The following PRDM16 variants were observed in gnomAD, a reference collection of about 807,000 sequenced individuals.
PRDM16 encodes the protein PR/SET domain 16.
Under a neutral mutation model 110.6 loss-of-function variants are expected in PRDM16, and 23 were observed. The ratio of observed to expected loss-of-function variants is 0.21; its 90% CI spans 0.15 to 0.29. The LOEUF (loss-of-function observed/expected upper bound fraction) is 0.29, where lower values mean the gene tolerates loss of function less well. Ranked by LOEUF, PRDM16 falls within the 10% of genes least tolerant of loss-of-function variation. The pLI, the probability that PRDM16 is intolerant of heterozygous loss-of-function variation, is 1.00. For synonymous variants in PRDM16, 799 were observed against 781.8 expected, an observed-to-expected ratio of 1.02 and a Z score of -0.37; for missense variants, 1,615 against 1,794.3, an observed-to-expected ratio of 0.90 and a Z score of 1.81.
At chr1:3,364,197 G>A (rs1019161226) in intron 3 of PRDM16, among the ~76,000 whole-genome samples, 2 of 152,138 alleles carry the variant, frequency 1.3e-5, no homozygotes, top group Admixed American at 6.5e-5. Flanking sequence ...CCACCCCACC[G>A]TGGCCACGAC....
chr1:3,281,923 G>A (rs1373195946), intron 3 of PRDM16, among the ~76,000 whole-genome samples: 2 of 152,224 alleles, frequency 1.3e-5, no homozygotes, highest in Non-Finnish European at 2.9e-5. Flanking sequence ...GAGCTGGCAT[G>A]AGGCCAAGGT....
intron 1 of PRDM16, among the ~76,000 whole-genome samples, chr1:3,122,778 T>G (rs1452261039): frequency 6.6e-6 from 1 of 151,926 alleles, no homozygotes. Flanking sequence ...GGGTGGGAGA[T>G]GCTGTTGTAT....
At chr1:3,070,130 C>T (rs1192105034) in intron 1 of PRDM16, among the ~76,000 whole-genome samples, 2 of 152,034 alleles carry the variant, frequency 1.3e-5, no homozygotes, top group South Asian at 2.1e-4. Context: ...CCCGCGTGGA[C>T]CCCTCTGTAC....
At chr1:3,283,432 G>A (rs1640760516) in intron 3 of PRDM16, among the ~76,000 whole-genome samples, 1 of 152,126 alleles carries the variant, frequency 6.6e-6, no homozygotes, top group Admixed American at 6.5e-5. Flanking sequence ...GGGCTCCATG[G>A]CATAGGACAG....
At chr1:3,240,099 AGGAGAGGAGG>A (rs1639634342) in intron 2 of PRDM16, among the ~76,000 whole-genome samples, 1 of 129,382 alleles carries the variant, frequency 7.7e-6, no homozygotes, top group Admixed American at 7.4e-5. Context: ...AGGAGAGGAG[AGGAGAGGAGG>A]AGAAGAGAAG....
At chr1:3,363,899 A>G (rs1642762128) in intron 3 of PRDM16, among the ~76,000 whole-genome samples, 1 of 152,074 alleles carries the variant, frequency 6.6e-6, no homozygotes, top group South Asian at 2.1e-4. Flanking sequence ...AGCCCGGCCA[A>G]AGGCAGCACC....
At position 3,143,486 on chromosome 1, in the gene PRDM16, T is replaced by C. The variant is rs1643590955; in HGVS notation, c.38-42639T>C. Among the ~76,000 whole-genome samples, 1 of 152,160 alleles carries C rather than the reference T, an allele frequency of 6.6e-6. No individual in the cohort carries two copies. The highest frequency in any genetic ancestry group is 6.5e-5 in the Admixed American group (1 of 15,278). On this transcript the variant is annotated intron_variant, in intron 1 of 16. Transcript: ENST00000270722. The surrounding 1 kb of genome is among the most constrained non-coding windows in gnomAD (Gnocchi z 4.5). ...AACTTTATTATTAGTATTATTATTA[T>C]CATTTTTGTGAGATGGAGTCTTGCT...
intron 3 of PRDM16, among the ~76,000 whole-genome samples, chr1:3,375,080 A>G (rs1203908712): frequency 6.6e-6 from 1 of 152,188 alleles, no homozygotes; most frequent in Non-Finnish European, 1.5e-5. Flanking sequence ...TGGAAAGCAG[A>G]AAAGAGGCTT....
chr1:3,230,659 G>A (rs1456205775), intron 2 of PRDM16, among the ~76,000 whole-genome samples: 1 of 152,248 alleles, frequency 6.6e-6, no homozygotes, highest in African/African-American at 2.4e-5. Context: ...CAGCTGAGAA[G>A]GCAGCTCCGA....
chr1:3,342,354 C>T (rs967639237), intron 3 of PRDM16, among the ~76,000 whole-genome samples: 1 of 152,204 alleles, frequency 6.6e-6, no homozygotes, highest in Non-Finnish European at 1.5e-5. Context: ...GTGGGAGCAA[C>T]CAAGCCACCC....
intron 2 of PRDM16, 45 bp downstream of exon 2, chr1:3,186,519 T>C: frequency 1.6e-6 from 2 of 1,253,122 alleles, no homozygotes; most frequent in Non-Finnish European, 2.2e-6. Context: ...CCATTTATCT[T>C]GTGTTCAATC....
rs1638941427 is a variant in PRDM16, at chr1:3,213,278, A to T, written c.387+26804A>T. ...ACCTTCCCAAATCTTTATGAATTAA[A>T]CATGGCATGTCCATCAAGTCATAGA... On this transcript the variant is annotated intron_variant, in intron 2 of 16. Coordinates refer to ENST00000270722, the MANE Select transcript of PRDM16 (RefSeq NM_022114.4). The surrounding 1 kb of genome is among the most constrained non-coding windows in gnomAD (Gnocchi z 5.3). Among the ~76,000 whole-genome samples, 1 of 151,588 alleles carries T rather than the reference A, an allele frequency of 6.6e-6. No homozygotes were observed. The highest frequency in any genetic ancestry group is 2.4e-5 in the African/African-American group (1 of 41,196).
At chr1:3,286,282 G>T (rs1640841063) in intron 3 of PRDM16, among the ~76,000 whole-genome samples, 1 of 152,214 alleles carries the variant, frequency 6.6e-6, no homozygotes, top group African/African-American at 2.4e-5. Context: ...TTGATAAAGT[G>T]GTCAGTGTTT....
intron 3 of PRDM16, among the ~76,000 whole-genome samples, chr1:3,284,125 G>A (rs1263708694): frequency 1.3e-5 from 2 of 151,644 alleles, no homozygotes; most frequent in African/African-American, 4.9e-5. Context: ...GCCACCCGTA[G>A]CCCGCCCGGG....
intron 3 of PRDM16, among the ~76,000 whole-genome samples, chr1:3,257,157 C>G (rs919048766): frequency 6.6e-6 from 1 of 152,168 alleles, no homozygotes; most frequent in Non-Finnish European, 1.5e-5. Context: ...CCTGGCAGGC[C>G]GCGGAGGGCT....
At chr1:3,302,971 G>A (rs116354024) in intron 3 of PRDM16, among the ~76,000 whole-genome samples, 385 of 151,814 alleles carry the variant, frequency 2.5e-3, no homozygotes, top group African/African-American at 9.1e-3. Flanking sequence ...ATAAAATCTG[G>A]GTATAATGAG....
intron 2 of PRDM16, among the ~76,000 whole-genome samples, chr1:3,217,757 G>T (rs757616019): frequency 6.6e-6 from 1 of 152,188 alleles, no homozygotes; most frequent in South Asian, 2.1e-4. Context: ...GAGAAACTCA[G>T]CCCAGTTTTC....
rs746177982 is a variant in PRDM16, at chr1:3,426,270, C to T, written c.3284+45C>T. ...CTGGGGAAAGTCTGGACCCGGCCAA[C>T]AGCCCTGCGTGGCCACCCTCAGAGG... On this transcript the variant is annotated intron_variant, in intron 14 of 16. Coordinates refer to ENST00000270722, the MANE Select transcript of PRDM16 (RefSeq NM_022114.4). The T allele has an allele frequency of 2.9e-5, 46 of 1,571,270 alleles. No individual in the cohort carries two copies. In the Admixed American group the frequency reaches 7.0e-4, roughly 24 times the overall value.
chr1:3,111,787 G>A (rs1223150404), intron 1 of PRDM16, among the ~76,000 whole-genome samples: 2 of 152,184 alleles, frequency 1.3e-5, no homozygotes, highest in East Asian at 1.9e-4. Flanking sequence ...CACATCAGGC[G>A]ACACACGGCT....
Sources: gnomAD v4.1 joint callset for allele counts (sites outside exome capture counted in the v4.1 genomes callset) on GRCh38, gnomAD v4.1.1 for gene constraint, Gnocchi (gnomAD v3.1) non-coding constraint, MANE v1.5 for transcripts, NCBI Gene and HGNC (gene_info 2026-07-23, HGNC 2026-07-21) for gene names.